Variants in DDX31 observed in about 807,000 individuals in gnomAD.
The protein encoded by DDX31 is ATP-dependent DNA helicase DDX31.
Under a neutral mutation model 91.3 loss-of-function variants are expected in DDX31, and 70 were observed. That is an observed-to-expected ratio of 0.77 (90% confidence interval 0.63 to 0.94). DDX31 has a LOEUF of 0.94. Ranked by LOEUF, DDX31 falls within the 40% of genes least tolerant of loss-of-function variation. The pLI is 0.00. For synonymous variants in DDX31, 362 were observed against 350.6 expected (o/e 1.03, Z -0.36); for missense variants, 902 against 925.0 (o/e 0.98, Z 0.32).
intron 17 of DDX31, among the ~76,000 whole-genome samples, chr9:132,622,595 A>G (rs1200953978): frequency 6.6e-6 from 1 of 152,228 alleles, no homozygotes; most frequent in Non-Finnish European, 1.5e-5. Context: ...ATAAAGACTG[A>G]CACCAATGCC....
chr9:132,638,403 T>G, intron 14 of DDX31: 1 of 1,614,120 alleles, frequency 6.2e-7, no homozygotes. Flanking sequence ...GATAATCCAG[T>G]GTCTGATATC....
At chr9:132,651,731 C>T (rs1274692782) in intron 7 of DDX31, among the ~76,000 whole-genome samples, 5 of 152,274 alleles carry the variant, frequency 3.3e-5, no homozygotes, top group East Asian at 3.9e-4. Flanking sequence ...TACAGAATCC[C>T]GTTCTTAAAG....
intron 14 of DDX31, among the ~76,000 whole-genome samples, chr9:132,637,651 C>A (rs912598885): frequency 6.6e-6 from 1 of 152,144 alleles, no homozygotes. Flanking sequence ...CCCCGTTGTC[C>A]GGGTGACAGA....
intron 14 of DDX31, among the ~76,000 whole-genome samples, chr9:132,640,379 G>C (rs1001502007): frequency 1.3e-5 from 2 of 152,208 alleles, no homozygotes; most frequent in African/African-American, 4.8e-5. Context: ...GACTGAAAGA[G>C]GGGGCTGTTT....
chr9:132,612,066 G>A, intron 19 of DDX31, 21 bp downstream of exon 19: 1 of 1,608,408 alleles, frequency 6.2e-7, no homozygotes, highest in Non-Finnish European at 8.5e-7. Context: ...CCCGTCACGG[G>A]ACGAATTCAG....
intron 16 of DDX31, among the ~76,000 whole-genome samples, chr9:132,628,238 G>A (rs376587609): frequency 2.0e-3 from 308 of 152,302 alleles, no homozygotes; most frequent in African/African-American, 6.7e-3. Flanking sequence ...TTTCAGAGCC[G>A]ACGCCAGTGA....
chr9:132,631,007 C>T (rs1354832926), intron 15 of DDX31, among the ~76,000 whole-genome samples: 1 of 152,222 alleles, frequency 6.6e-6, no homozygotes, highest in Non-Finnish European at 1.5e-5. Flanking sequence ...GGGGCAGGTT[C>T]CCTGCAGGTA....
intron 9 of DDX31, among the ~76,000 whole-genome samples, 180 bp downstream of exon 9, chr9:132,650,053 TA>T (rs1346799965): frequency 6.6e-6 from 1 of 152,094 alleles, no homozygotes; most frequent in Non-Finnish European, 1.5e-5. Flanking sequence ...TTTAATATTT[TA>T]AAAAACAGCA....
intron 14 of DDX31, among the ~76,000 whole-genome samples, chr9:132,634,585 GTTTTTTT>G (rs59296842): frequency 1.9e-5 from 2 of 103,078 alleles, no homozygotes; most frequent in African/African-American, 7.4e-5. Flanking sequence ...TACCTAAGAT[GTTTTTTT>G]TTTTTTTTTT....
intron 19 of DDX31, among the ~76,000 whole-genome samples, chr9:132,603,320 A>AT (rs1261965226): frequency 6.6e-6 from 1 of 152,234 alleles, no homozygotes. Context: ...CAACGTGGAG[A>AT]TATCTGAAAA....
chr9:132,613,893 C>G (rs1433390292), intron 18 of DDX31, among the ~76,000 whole-genome samples: 1 of 152,138 alleles, frequency 6.6e-6, no homozygotes, highest in Non-Finnish European at 1.5e-5. Context: ...CTTCTCACTC[C>G]AACAAGGAAG....
intron 17 of DDX31, among the ~76,000 whole-genome samples, 163 bp downstream of exon 17, chr9:132,625,501 G>GA (rs56990165): frequency 0.014 from 1,996 of 140,142 alleles, 36 homozygotes; most frequent in African/African-American, 0.045. Flanking sequence ...CAAAGACGAG[G>GA]AAAAAAAAAA....
chr9:132,640,248 G>T (rs375793448), intron 14 of DDX31, among the ~76,000 whole-genome samples: 25 of 152,134 alleles, frequency 1.6e-4, no homozygotes, highest in Admixed American at 1.6e-3. Context: ...TTTCTCTGAA[G>T]ACATAAAATT....
chr9:132,602,442 C>T (rs1267144019), intron 19 of DDX31, among the ~76,000 whole-genome samples: 3 of 152,092 alleles, frequency 2.0e-5, no homozygotes, highest in Non-Finnish European at 4.4e-5. Context: ...TAAGGCTGCA[C>T]ATTCCTTACC....
intron 16 of DDX31, among the ~76,000 whole-genome samples, 173 bp downstream of exon 16, chr9:132,630,091 T>C (rs556006775): frequency 1.9e-4 from 29 of 152,364 alleles, no homozygotes; most frequent in Admixed American, 8.5e-4. Flanking sequence ...AAAACTGTCA[T>C]GTGCTGAGGA....
rs780280808 is a variant in DDX31, at chr9:132,628,693, A to T, written c.1631+1571T>A. ...CACTCATTTTTCTTAGGAAGAGGTC[A>T]TGTTAAAGTGAACGAGCATGGGGGA... On this transcript the variant is annotated intron_variant, in intron 16 of 19. Transcript: ENST00000372159. 1.6e-4 allele frequency among the ~76,000 whole-genome samples: 24 copies of T among 152,222 alleles called. 1 individual carries two copies. Among genetic ancestry groups the T allele is most frequent in the Non-Finnish European group, 3.1e-4 (21 of 68,036 alleles).
At position 132,662,457 on chromosome 9, in the gene DDX31, T is replaced by C. The variant is rs1463161258; in HGVS notation, c.314A>G (p.Asp105Gly). 2 of 1,614,080 alleles carry C rather than the reference T, an allele frequency of 1.2e-6. No individual in the cohort carries two copies. Among genetic ancestry groups the C allele is most frequent in the Non-Finnish European group, 1.7e-6 (2 of 1,180,038 alleles). ...GACATACCTGTGGAGTTCTGGAATGTCAGGGTTGTTTTTAAACAGTGATGA... is the reference window on the plus strand; with the variant it reads ...GACATACCTGTGGAGTTCTGGAATGCCAGGGTTGTTTTTAAACAGTGATGA... Reference protein sequence around the residue: ...KTSSLFKNNPDIPELHRPVVK... With the variant: ...KTSSLFKNNPGIPELHRPVVK... The change falls in exon 2 of 20, where the codon GAC becomes GGC. Residue 105 changes from aspartate (D) to glycine (G), a missense_variant. Asp to Gly is a moderately conservative substitution (Grantham distance 94). Coordinates refer to ENST00000372159, the MANE Select transcript of DDX31 (RefSeq NM_022779.9).
At chr9:132,649,156 G>T (rs1444693605) in intron 9 of DDX31, among the ~76,000 whole-genome samples, 5 of 151,950 alleles carry the variant, frequency 3.3e-5, no homozygotes, top group Non-Finnish European at 5.9e-5. Context: ...TGCCTAGGCT[G>T]GTCTCAAACT....
chr9:132,622,684 T>C (rs1180991556), intron 17 of DDX31, among the ~76,000 whole-genome samples: 2 of 152,246 alleles, frequency 1.3e-5, no homozygotes, highest in African/African-American at 2.4e-5. Context: ...CTTGCCTTTA[T>C]TTCTAGAGAG....
Sources: gnomAD v4.1 joint callset for allele counts (sites outside exome capture counted in the v4.1 genomes callset) on GRCh38, gnomAD v4.1.1 for gene constraint, MANE v1.5 for transcripts, NCBI Gene and HGNC (gene_info 2026-07-23, HGNC 2026-07-21) for gene names.